ADCY9: variants seen among roughly 807,000 people sequenced by gnomAD.
The protein encoded by ADCY9 is adenylate cyclase 9.
A neutral mutation model predicts 101.5 loss-of-function variants in ADCY9; 50 were observed. The ratio of observed to expected loss-of-function variants is 0.49; its 90% CI spans 0.39 to 0.62. The LOEUF (loss-of-function observed/expected upper bound fraction) is 0.62. Among genes scored for constraint, ADCY9 ranks in the 20% least tolerant of loss-of-function variants. The pLI, the probability that ADCY9 is intolerant of heterozygous loss-of-function variation, is 0.00. For synonymous variants in ADCY9, 905 were observed against 769.3 expected (o/e 1.18, Z -2.92); for missense variants, 1,662 against 1,800.4 (o/e 0.92, Z 1.39).
At chr16:3,990,093 T>G (rs1289660148) in intron 5 of ADCY9, among the ~76,000 whole-genome samples, 1 of 152,152 alleles carries the variant, frequency 6.6e-6, no homozygotes, top group Non-Finnish European at 1.5e-5. Context: ...TACTAGAAAC[T>G]AAGGGAACGT....
At chr16:4,035,998 C>CAAAAAAAAAAAAAAAAAAAAAAAAAAAA (rs55792873) in intron 2 of ADCY9, among the ~76,000 whole-genome samples, 1 of 23,168 alleles carries the variant, frequency 4.3e-5, no homozygotes, top group Non-Finnish European at 7.2e-5. Context: ...AACTCCATCT[C>CAAAAAAAAAAAAAAAAAAAAAAAAAAAA]AAAAAAAAAA....
intron 2 of ADCY9, among the ~76,000 whole-genome samples, chr16:4,042,958 G>A (rs1320893789): frequency 2.6e-5 from 4 of 152,224 alleles, no homozygotes; most frequent in African/African-American, 4.8e-5. Context: ...TCGGCCGGGC[G>A]CAGTGGCTCA....
intron 2 of ADCY9, among the ~76,000 whole-genome samples, chr16:4,064,826 A>G (rs2056791579): frequency 1.3e-5 from 2 of 152,142 alleles, no homozygotes; most frequent in Admixed American, 1.3e-4. Context: ...AGACTACACA[A>G]AAGAAAAAAA....
Position 4,007,554 on chromosome 16 carries a change from C to T in ADCY9, c.1698G>A (p.Leu566=), listed in dbSNP as rs1263752101. The T allele has an allele frequency of 1.9e-6, 3 of 1,605,828 alleles. No homozygotes were observed. The highest frequency in any genetic ancestry group is 1.7e-5 in the Admixed American group (1 of 57,604). The change falls in exon 3 of 11, where the codon TTG becomes TTA. Residue 566 remains leucine (L), a synonymous_variant. Coordinates refer to ENST00000294016, the MANE Select transcript of ADCY9 (RefSeq NM_001116.4). ...QSVVADQLKG[L]KTYLISGQRA... ...TCTGACCCGATATCAGGTATGTCTT[C>T]AAACCTATGATGGATAAAAGTTACA...
intron 5 of ADCY9, among the ~76,000 whole-genome samples, chr16:3,953,879 G>T (rs919439831): frequency 6.6e-6 from 1 of 152,214 alleles, no homozygotes; most frequent in Admixed American, 6.5e-5. Flanking sequence ...CGGGGAGGTC[G>T]CTGTCAGAGC....
chr16:4,021,885 A>C (rs1024651130), intron 2 of ADCY9, among the ~76,000 whole-genome samples: 3 of 152,210 alleles, frequency 2.0e-5, no homozygotes, highest in Non-Finnish European at 4.4e-5. Flanking sequence ...CGCCTTCTGG[A>C]AACTCGACGG....
At chr16:3,976,484 C>G (rs907699867) in intron 9 of ADCY9, among the ~76,000 whole-genome samples, 1 of 152,154 alleles carries the variant, frequency 6.6e-6, no homozygotes, top group Non-Finnish European at 1.5e-5. Context: ...GCCTCCCTGA[C>G]TCCTGTTTCT....
At chr16:4,020,606 G>C (rs2056468733) in intron 2 of ADCY9, among the ~76,000 whole-genome samples, 2 of 152,058 alleles carry the variant, frequency 1.3e-5, no homozygotes, top group African/African-American at 2.4e-5. Context: ...TGGATCACTT[G>C]AGGCCAGGAG....
chr16:4,048,845 C>T (rs976936780), intron 2 of ADCY9, among the ~76,000 whole-genome samples: 1 of 152,118 alleles, frequency 6.6e-6, no homozygotes, highest in South Asian at 2.1e-4. Flanking sequence ...CAGAGGATCT[C>T]ACCTAGGCAG....
intron 2 of ADCY9, among the ~76,000 whole-genome samples, chr16:4,023,455 A>G (rs2056491992): frequency 6.6e-6 from 1 of 152,204 alleles, no homozygotes; most frequent in Non-Finnish European, 1.5e-5. Context: ...GCGGTGGTGT[A>G]GGTCTGGGGA....
At chr16:4,056,812 A>G (rs966059895) in intron 2 of ADCY9, among the ~76,000 whole-genome samples, 11 of 152,140 alleles carry the variant, frequency 7.2e-5, no homozygotes, top group Admixed American at 2.0e-4. Flanking sequence ...GCAGAGGTTT[A>G]CCTGTGTTTT....
Position 4,015,292 on chromosome 16 carries a change from C to T in ADCY9, c.1694-7734G>A, listed in dbSNP as rs1344523123. On this transcript the variant is annotated intron_variant, in intron 2 of 10. Transcript: ENST00000294016. Reference sequence around the variant, plus strand: ...TTAATAAATGCCCCACTGCTAAATGCTACATTCCAGAATGCTAACATAGGG... The same window carrying T: ...TTAATAAATGCCCCACTGCTAAATGTTACATTCCAGAATGCTAACATAGGG... 3.3e-5 allele frequency among the ~76,000 whole-genome samples: 5 copies of T among 152,050 alleles called. No individual in the cohort carries two copies. In the East Asian group the frequency reaches 7.7e-4, roughly 23 times the overall value.
Position 4,019,274 on chromosome 16 carries a change from GC to G in ADCY9, c.1694-11717del, listed in dbSNP as rs1187120285. Among the ~76,000 whole-genome samples, 3 of 152,208 alleles carry G rather than the reference GC, an allele frequency of 2.0e-5. No individual in the cohort carries two copies. The East Asian group carries it at 5.8e-4, about 29-fold the overall frequency. On this transcript the variant is annotated intron_variant, in intron 2 of 10. Transcript: ENST00000294016. Reference sequence around the variant, plus strand: ...TGGAATTACAGGCATGAACCACCATGCCCAGACTCAGGTATTTATTAATAAC... The same window carrying G: ...TGGAATTACAGGCATGAACCACCATGCCAGACTCAGGTATTTATTAATAAC...
chr16:4,008,094 C>G (rs1019602276), intron 2 of ADCY9, among the ~76,000 whole-genome samples: 1 of 152,042 alleles, frequency 6.6e-6, no homozygotes, highest in Non-Finnish European at 1.5e-5. Flanking sequence ...AGACTCAGAG[C>G]TGTTGAGCAT....
intron 6 of ADCY9, 125 bp from the exon 7 acceptor site, chr16:3,983,565 G>A: frequency 1.3e-6 from 1 of 773,680 alleles, no homozygotes; most frequent in East Asian, 2.7e-5. Flanking sequence ...AGGGCAGGAA[G>A]GCTCTCGGAG....
intron 8 of ADCY9, among the ~76,000 whole-genome samples, chr16:3,978,172 C>G (rs925242597): frequency 6.6e-6 from 1 of 152,192 alleles, no homozygotes; most frequent in Non-Finnish European, 1.5e-5. Flanking sequence ...CACATGGCAT[C>G]ACACTCTTCT....
At chr16:4,101,117 G>A (rs1024003225) in intron 2 of ADCY9, among the ~76,000 whole-genome samples, 3 of 152,126 alleles carry the variant, frequency 2.0e-5, no homozygotes, top group Admixed American at 2.0e-4. Flanking sequence ...TACAGCCTTT[G>A]GGTTTAAATA....
intron 2 of ADCY9, among the ~76,000 whole-genome samples, chr16:4,046,508 A>G (rs1336060820): frequency 6.6e-6 from 1 of 152,200 alleles, no homozygotes; most frequent in Non-Finnish European, 1.5e-5. Flanking sequence ...ATCCAGAGGA[A>G]ATCGTGAGTT....
Position 3,966,590 on chromosome 16 carries a change from G to T in ADCY9, c.3247C>A (p.Arg1083=). 1 of 1,614,154 alleles carries T rather than the reference G, an allele frequency of 6.2e-7. No individual in the cohort carries two copies. The highest frequency in any genetic ancestry group is 8.5e-7 in the Non-Finnish European group (1 of 1,180,028). ...ENYEGGKECY[R]VLNELIGDFD... is the part of the protein sequence containing the mutation. ...TCCCCGATGAGCTCGTTGAGGACCC[G>T]GTAGCACTCCTTGCCGCCCTCGTAG... is the stretch of plus-strand genomic sequence containing the variant. Residue 1083 remains arginine, a synonymous_variant, in exon 11 of 11, where the codon CGG becomes AGG. Transcript: ENST00000294016.
Sources: gnomAD v4.1 joint callset for allele counts (sites outside exome capture counted in the v4.1 genomes callset) on GRCh38, gnomAD v4.1.1 for gene constraint, MANE v1.5 for transcripts, NCBI Gene and HGNC (gene_info 2026-07-23, HGNC 2026-07-21) for gene names.